CADM1: variants seen among roughly 807,000 people sequenced by gnomAD.
CADM1 encodes cell adhesion molecule 1, also known as TSLC-1.
In CADM1, 15 loss-of-function variants were observed where a neutral mutation model predicts 53.1. The ratio of observed to expected loss-of-function variants is 0.28; its 90% CI spans 0.19 to 0.44. The LOEUF (loss-of-function observed/expected upper bound fraction) is 0.44, where lower values mean the gene tolerates loss of function less well. Among genes scored for constraint, CADM1 ranks in the 20% least tolerant of loss-of-function variants. The probability of loss-of-function intolerance (pLI) is 1.00; values close to 1 mark genes in which losing one functional copy is unlikely to be tolerated. For synonymous variants in CADM1, 281 were observed against 243.0 expected, an observed-to-expected ratio of 1.16 and a Z score of -1.45; for missense variants, 434 against 611.3, an observed-to-expected ratio of 0.71 and a Z score of 3.06.
At chr11:115,476,708 G>A (rs1421196188) in intron 1 of CADM1, among the ~76,000 whole-genome samples, 1 of 152,176 alleles carries the variant, frequency 6.6e-6, no homozygotes, top group Non-Finnish European at 1.5e-5. Context: ...GGGTGATAAA[G>A]ACTTCCTAGT....
At chr11:115,480,130 C>T (rs1949227133) in intron 1 of CADM1, among the ~76,000 whole-genome samples, 1 of 152,164 alleles carries the variant, frequency 6.6e-6, no homozygotes, top group Non-Finnish European at 1.5e-5. Context: ...CTCATCTAAT[C>T]CAGTATCATC....
At chr11:115,295,506 T>TTATATATATATATATA (rs71066412) in intron 1 of CADM1, among the ~76,000 whole-genome samples, 3 of 55,054 alleles carry the variant, frequency 5.4e-5, no homozygotes, top group Admixed American at 2.0e-4. Flanking sequence ...TCAAGATATT[T>TTATATATATATATATA]TATATATATA....
chr11:115,190,749 A>C lies in CADM1; in HGVS notation c.1165+139T>G, dbSNP rs1939808645. On this transcript the variant is annotated intron_variant, in intron 10 of 11. Transcript: ENST00000331581. ...TGAGTGGGTGACCGGGGAGGAAGAC[A>C]GTATTGATACAAATTTGTTTTTTGT... 2.1e-5 allele frequency: 13 copies of C among 632,524 alleles called. No homozygotes were observed. In the South Asian group the frequency reaches 2.5e-4, roughly 12 times the overall value. The allele number at this position is 632,524 out of a possible 1,614,324, so 39.2% of individuals were successfully genotyped here.
chr11:115,291,791 ACAGT>A (rs931080730), intron 1 of CADM1, among the ~76,000 whole-genome samples: 1 of 148,158 alleles, frequency 6.7e-6, no homozygotes, highest in Non-Finnish European at 1.5e-5. Context: ...ACAGTACTAC[ACAGT>A]CAGAGAAATC....
chr11:115,344,746 CA>C (rs1220939927), intron 1 of CADM1, among the ~76,000 whole-genome samples: 2 of 152,150 alleles, frequency 1.3e-5, no homozygotes, highest in Non-Finnish European at 2.9e-5. Context: ...TAGATTACTA[CA>C]ACAACCCTCT....
intron 1 of CADM1, among the ~76,000 whole-genome samples, chr11:115,250,151 C>T (rs1328652020): frequency 1.3e-5 from 2 of 152,180 alleles, no homozygotes; most frequent in African/African-American, 4.8e-5. Context: ...GATCTGCCTG[C>T]CTCAGCCTCG....
At chr11:115,500,526 A>G (rs977382636) in intron 1 of CADM1, among the ~76,000 whole-genome samples, 8 of 152,350 alleles carry the variant, frequency 5.3e-5, no homozygotes, top group Non-Finnish European at 1.2e-4. Context: ...AAAAGTCACT[A>G]AAAACTCCAA....
At chr11:115,367,614 G>A (rs77349498) in intron 1 of CADM1, among the ~76,000 whole-genome samples, 2,149 of 151,928 alleles carry the variant, frequency 0.014, 39 homozygotes, top group Middle Eastern at 0.048. Context: ...TTTCTTCCAC[G>A]TTTTTCTTTT....
chr11:115,267,562 C>A (rs999498274), intron 1 of CADM1, among the ~76,000 whole-genome samples: 2 of 152,114 alleles, frequency 1.3e-5, no homozygotes, highest in African/African-American at 4.8e-5. Context: ...TTTTAGCACA[C>A]GCTGGAAATC....
chr11:115,290,302 T>A (rs1013560126), intron 1 of CADM1, among the ~76,000 whole-genome samples: 9 of 152,196 alleles, frequency 5.9e-5, no homozygotes, highest in East Asian at 3.8e-4. Context: ...TAGTTTTTTT[T>A]AAAAGCAGGG....
At chr11:115,376,275 C>T (rs1486365960) in intron 1 of CADM1, among the ~76,000 whole-genome samples, 3 of 152,098 alleles carry the variant, frequency 2.0e-5, no homozygotes, top group Non-Finnish European at 4.4e-5. Context: ...TAATGCCTGG[C>T]AAACAATACC....
At chr11:115,226,115 T>C (rs1475075975) in intron 5 of CADM1, among the ~76,000 whole-genome samples, 1 of 151,626 alleles carries the variant, frequency 6.6e-6, no homozygotes, top group East Asian at 1.9e-4. Flanking sequence ...TCTTTTTAGG[T>C]GACAAAGGAA....
intron 1 of CADM1, among the ~76,000 whole-genome samples, chr11:115,394,243 T>C (rs1234564871): frequency 1.3e-5 from 2 of 152,212 alleles, no homozygotes; most frequent in Non-Finnish European, 2.9e-5. Context: ...AAAGCAAGTA[T>C]TAGAGCTATC....
chr11:115,210,519 A>G (rs1379152984), intron 7 of CADM1, among the ~76,000 whole-genome samples: 1 of 152,206 alleles, frequency 6.6e-6, no homozygotes, highest in Non-Finnish European at 1.5e-5. Flanking sequence ...GCAAATATGA[A>G]AGAGAAAAAA....
intron 1 of CADM1, among the ~76,000 whole-genome samples, chr11:115,408,535 T>TA (rs1454644931): frequency 1.3e-5 from 2 of 152,256 alleles, no homozygotes; most frequent in African/African-American, 4.8e-5. Flanking sequence ...GTTACTGACC[T>TA]AAAATCACAT....
At chr11:115,328,799 G>A (rs1945055551) in intron 1 of CADM1, among the ~76,000 whole-genome samples, 1 of 110,904 alleles carries the variant, frequency 9.0e-6, no homozygotes, top group South Asian at 3.0e-4. Flanking sequence ...GGCTAAAAAA[G>A]TCCCTAAGAA....
chr11:115,365,124 A>AC (rs923119072), intron 1 of CADM1, among the ~76,000 whole-genome samples: 1 of 152,126 alleles, frequency 6.6e-6, no homozygotes, highest in Non-Finnish European at 1.5e-5. Context: ...GGCTAGCCCC[A>AC]CCAGCTGAGT....
chr11:115,219,083 A>G (rs950655292), intron 5 of CADM1, among the ~76,000 whole-genome samples: 1 of 152,310 alleles, frequency 6.6e-6, no homozygotes. Context: ...AAGAGTAATA[A>G]ATGTGAGAGG....
chr11:115,353,859 A>T (rs1232115766), intron 1 of CADM1, among the ~76,000 whole-genome samples: 2 of 152,160 alleles, frequency 1.3e-5, no homozygotes, highest in East Asian at 1.9e-4. Flanking sequence ...AATTCCTAAC[A>T]ATCAGGAACT....
Sources: gnomAD v4.1 joint callset for allele counts (sites outside exome capture counted in the v4.1 genomes callset) on GRCh38, gnomAD v4.1.1 for gene constraint, MANE v1.5 for transcripts, NCBI Gene and HGNC (gene_info 2026-07-23, HGNC 2026-07-21) for gene names.